ZNF804B: variants seen among roughly 807,000 people sequenced by gnomAD.
ZNF804B encodes zinc finger 804B.
Under a neutral mutation model 101.4 loss-of-function variants are expected in ZNF804B, and 80 were observed. The ratio of observed to expected loss-of-function variants is 0.79; its 90% CI spans 0.66 to 0.95. The LOEUF (loss-of-function observed/expected upper bound fraction) is 0.95, where lower values mean the gene tolerates loss of function less well. ZNF804B is among the 40% of genes least tolerant of loss of function. The pLI, the probability that ZNF804B is intolerant of heterozygous loss-of-function variation, is 0.00. For missense variants in ZNF804B, 1,673 were observed against 1,561.9 expected, an observed-to-expected ratio of 1.07 and a Z score of -1.20; for synonymous variants, 622 against 558.8, an observed-to-expected ratio of 1.11 and a Z score of -1.59.
chr7:88,853,159 C>CCAATCA (rs1791470939), intron 1 of ZNF804B, among the ~76,000 whole-genome samples: 1 of 152,140 alleles, frequency 6.6e-6, no homozygotes, highest in Admixed American at 6.6e-5. Flanking sequence ...ATCCAATCAT[C>CCAATCA]TGGAGAAAAG....
intron 2 of ZNF804B, among the ~76,000 whole-genome samples, chr7:89,311,559 T>C (rs1790651220): frequency 6.6e-6 from 1 of 152,248 alleles, no homozygotes; most frequent in Non-Finnish European, 1.5e-5. Context: ...TGAATTTTTA[T>C]TTGTTCATTA....
intron 1 of ZNF804B, among the ~76,000 whole-genome samples, chr7:89,097,252 C>G (rs556122489): frequency 1.3e-5 from 2 of 152,312 alleles, no homozygotes; most frequent in South Asian, 4.1e-4. Flanking sequence ...CTCTTTCTTG[C>G]TGGCTCATTT....
At chr7:89,176,355 T>G (rs1791317607) in intron 1 of ZNF804B, among the ~76,000 whole-genome samples, 1 of 152,006 alleles carries the variant, frequency 6.6e-6, no homozygotes, top group African/African-American at 2.4e-5. Flanking sequence ...GAAGTGATCA[T>G]ATGATTGTGT....
intron 1 of ZNF804B, among the ~76,000 whole-genome samples, chr7:89,039,610 A>T (rs919716216): frequency 6.6e-6 from 1 of 151,160 alleles, no homozygotes; most frequent in African/African-American, 2.4e-5. Flanking sequence ...CTGTATAATC[A>T]TCTAAAAACA....
At chr7:88,978,736 AT>A in intron 1 of ZNF804B, among the ~76,000 whole-genome samples, 1 of 150,324 alleles carries the variant, frequency 6.7e-6, no homozygotes, top group South Asian at 2.1e-4. Flanking sequence ...TACTACTGCC[AT>A]TTTGTTGTCT....
At chr7:88,982,066 C>T (rs1348692661) in intron 1 of ZNF804B, among the ~76,000 whole-genome samples, 1 of 151,932 alleles carries the variant, frequency 6.6e-6, no homozygotes, top group African/African-American at 2.4e-5. Context: ...CTGTCTTGCT[C>T]TGCCTTCTTT....
intron 1 of ZNF804B, among the ~76,000 whole-genome samples, chr7:89,035,821 G>A (rs970878925): frequency 6.8e-6 from 1 of 147,900 alleles, no homozygotes; most frequent in Non-Finnish European, 1.5e-5. Flanking sequence ...GTAGGGTATG[G>A]GAAAAATAAT....
Position 89,028,592 on chromosome 7 carries a change from C to T in ZNF804B, c.109-189563C>T, listed in dbSNP as rs758577275. ...AATCCTTTAAGAATCAACTCATGTGCCTCATTCTCTGTGATTTCTTCTCTA... is the reference window on the plus strand; with the variant it reads ...AATCCTTTAAGAATCAACTCATGTGTCTCATTCTCTGTGATTTCTTCTCTA... On this transcript the variant is annotated intron_variant, in intron 1 of 3. Coordinates refer to ENST00000333190, the MANE Select transcript of ZNF804B (RefSeq NM_181646.5). Among the ~76,000 whole-genome samples the T allele has an allele frequency of 4.9e-4, 74 of 152,194 alleles. No homozygotes were observed. In the Middle Eastern group the frequency reaches 0.01, roughly 21 times the overall value.
chr7:88,776,927 T>C (rs1790150849), intron 1 of ZNF804B, among the ~76,000 whole-genome samples: 1 of 152,084 alleles, frequency 6.6e-6, no homozygotes, highest in Admixed American at 6.6e-5. Flanking sequence ...TGTTTACCGA[T>C]GTGTTAAAAA....
chr7:88,996,415 C>T (rs1456338329), intron 1 of ZNF804B, among the ~76,000 whole-genome samples: 5 of 152,032 alleles, frequency 3.3e-5, no homozygotes, highest in African/African-American at 1.2e-4. Flanking sequence ...TTTACCGGCT[C>T]TTGATTGCAA....
chr7:88,781,216 G>A (rs1029236048), intron 1 of ZNF804B, among the ~76,000 whole-genome samples: 1 of 152,138 alleles, frequency 6.6e-6, no homozygotes, highest in Non-Finnish European at 1.5e-5. Context: ...ATATAAGAAG[G>A]GTTTCCATAA....
intron 1 of ZNF804B, among the ~76,000 whole-genome samples, chr7:88,862,214 C>T (rs1791660504): frequency 6.6e-6 from 1 of 152,122 alleles, no homozygotes; most frequent in Non-Finnish European, 1.5e-5. Flanking sequence ...TCTAAAACTA[C>T]TTCAGGCCTA....
intron 1 of ZNF804B, among the ~76,000 whole-genome samples, chr7:89,165,921 A>G (rs1302540874): frequency 7.2e-5 from 11 of 152,154 alleles, no homozygotes; most frequent in Admixed American, 7.2e-4. Flanking sequence ...TGTGTTTGTT[A>G]TCAGAATGTG....
intron 2 of ZNF804B, among the ~76,000 whole-genome samples, chr7:89,220,045 G>GTGTATATACGTATATACGCA (rs1426877736): frequency 1.1e-5 from 1 of 95,194 alleles, no homozygotes; most frequent in Non-Finnish European, 2.1e-5. Flanking sequence ...ACATATATGT[G>GTGTATATACGTATATACGCA]CATATATACA....
intron 1 of ZNF804B, among the ~76,000 whole-genome samples, chr7:88,878,878 A>G (rs190856449): frequency 2.0e-5 from 3 of 152,304 alleles, no homozygotes; most frequent in African/African-American, 7.2e-5. Flanking sequence ...TTCTAAATAT[A>G]CTACTTAAAT....
chr7:89,291,408 T>C (rs1464147897), intron 2 of ZNF804B, among the ~76,000 whole-genome samples: 1 of 152,176 alleles, frequency 6.6e-6, no homozygotes, highest in African/African-American at 2.4e-5. Flanking sequence ...CAGAATTCTA[T>C]AAGGAAAATT....
chr7:89,170,649 C>T lies in ZNF804B; in HGVS notation c.109-47506C>T, dbSNP rs575128152. ...TGAATTTTTTCTTGTTTTCTTGTTG[C>T]CTTTTATGTGCTTGTTTATTTGGTT... On this transcript the variant is annotated intron_variant, in intron 1 of 3. Transcript: ENST00000333190. 2.0e-5 allele frequency among the ~76,000 whole-genome samples: 3 copies of T among 152,208 alleles called. No individual in the cohort carries two copies. In the East Asian group the frequency reaches 5.8e-4, roughly 29 times the overall value.
At chr7:89,251,013 C>A (rs1044865689) in intron 2 of ZNF804B, among the ~76,000 whole-genome samples, 6 of 152,120 alleles carry the variant, frequency 3.9e-5, no homozygotes, top group Non-Finnish European at 7.4e-5. Context: ...TAGAGGCATT[C>A]CCCCTTGAGA....
intron 2 of ZNF804B, among the ~76,000 whole-genome samples, chr7:89,228,739 T>C (rs553777839): frequency 6.6e-6 from 1 of 152,214 alleles, no homozygotes; most frequent in Non-Finnish European, 1.5e-5. Context: ...CAGGTGGAGC[T>C]GCCTGCCAGT....
Sources: gnomAD v4.1 joint callset for allele counts (sites outside exome capture counted in the v4.1 genomes callset) on GRCh38, gnomAD v4.1.1 for gene constraint, MANE v1.5 for transcripts, NCBI Gene and HGNC (gene_info 2026-07-23, HGNC 2026-07-21) for gene names.